MSRA: variants seen among roughly 807,000 people sequenced by gnomAD.
MSRA encodes methionine sulfoxide reductase A.
MSRA carries 54 observed loss-of-function variants against 31.3 expected under a neutral mutation model. The observed-to-expected ratio is 1.73, with a 90% CI of 1.39 to 2.17. The LOEUF is 2.17. Ranked by LOEUF, MSRA falls within the 30% of genes most tolerant of loss-of-function variation. MSRA has a pLI of 0.00. For synonymous variants in MSRA, 169 were observed against 116.5 expected, an observed-to-expected ratio of 1.45 and a Z score of -2.90; for missense variants, 507 against 300.9, an observed-to-expected ratio of 1.69 and a Z score of -5.07.
chr8:10,392,817 C>T (rs1325380014), intron 5 of MSRA, among the ~76,000 whole-genome samples: 1 of 142,126 alleles, frequency 7.0e-6, no homozygotes, highest in African/African-American at 2.7e-5. Context: ...GAGGCTGAGA[C>T]GGGCGTATCA....
chr8:10,096,786 A>ATTG (rs1024010529), intron 1 of MSRA, among the ~76,000 whole-genome samples: 1 of 152,178 alleles, frequency 6.6e-6, no homozygotes, highest in Non-Finnish European at 1.5e-5. Flanking sequence ...AATCAGCATT[A>ATTG]TTGTAGGAGA....
At chr8:10,121,778 C>A (rs145188332) in intron 1 of MSRA, among the ~76,000 whole-genome samples, 1 of 151,944 alleles carries the variant, frequency 6.6e-6, no homozygotes, top group African/African-American at 2.4e-5. Flanking sequence ...TCAAGCGATC[C>A]TCCCACCTCA....
At chr8:10,134,903 G>T (rs1294274515) in intron 1 of MSRA, among the ~76,000 whole-genome samples, 3 of 152,214 alleles carry the variant, frequency 2.0e-5, no homozygotes, top group Admixed American at 6.5e-5. Context: ...AAGAGCTCTT[G>T]CCCCGGAGTG....
chr8:10,079,707 C>G (rs17739179), intron 1 of MSRA, among the ~76,000 whole-genome samples: 6 of 152,072 alleles, frequency 3.9e-5, no homozygotes, highest in Admixed American at 3.9e-4. Flanking sequence ...TTACAGCGCT[C>G]TTGGCTATCC....
intron 1 of MSRA, among the ~76,000 whole-genome samples, chr8:10,206,610 C>T (rs903729372): frequency 6.6e-6 from 1 of 152,196 alleles, no homozygotes; most frequent in Non-Finnish European, 1.5e-5. Context: ...ACAGATTGTT[C>T]TCTGGCCCGG....
chr8:10,299,864 T>C (rs1004828719), intron 3 of MSRA, among the ~76,000 whole-genome samples: 1 of 152,238 alleles, frequency 6.6e-6, no homozygotes, highest in Non-Finnish European at 1.5e-5. Context: ...AACATTGATT[T>C]AGAAATTCCA....
At chr8:10,062,213 C>T (rs1175528711) in intron 1 of MSRA, among the ~76,000 whole-genome samples, 1 of 152,212 alleles carries the variant, frequency 6.6e-6, no homozygotes, top group Admixed American at 6.5e-5. Context: ...TGGCAGATGG[C>T]CAGGCTCCTT....
chr8:10,389,173 CAG>C (rs1806580069), intron 5 of MSRA, among the ~76,000 whole-genome samples: 2 of 152,138 alleles, frequency 1.3e-5, no homozygotes, highest in Admixed American at 1.3e-4. Context: ...GCAATCCAGT[CAG>C]TGTTTCTCTG....
intron 2 of MSRA, among the ~76,000 whole-genome samples, chr8:10,232,820 T>C (rs1334431798): frequency 6.6e-6 from 1 of 152,240 alleles, no homozygotes; most frequent in Non-Finnish European, 1.5e-5. Context: ...GGAAAATTCT[T>C]ACCAAGTAAT....
intron 1 of MSRA, among the ~76,000 whole-genome samples, chr8:10,094,878 T>C (rs765039707): frequency 6.6e-6 from 1 of 152,256 alleles, no homozygotes; most frequent in Non-Finnish European, 1.5e-5. Flanking sequence ...CTTGCTGTTA[T>C]TAAATTGACC....
chr8:10,315,075 T>C (rs971695163), intron 4 of MSRA, among the ~76,000 whole-genome samples: 1 of 152,108 alleles, frequency 6.6e-6, no homozygotes, highest in Non-Finnish European at 1.5e-5. Flanking sequence ...AGAGTGTGTG[T>C]AGGGGAACTG....
intron 5 of MSRA, among the ~76,000 whole-genome samples, chr8:10,359,524 T>C (rs1486271725): frequency 6.6e-6 from 1 of 152,216 alleles, no homozygotes. Context: ...TCATTATCTG[T>C]AGGGATTTTC....
intron 1 of MSRA, among the ~76,000 whole-genome samples, chr8:10,094,762 A>T (rs1585132755): frequency 6.6e-6 from 1 of 152,238 alleles, no homozygotes; most frequent in East Asian, 1.9e-4. Flanking sequence ...TTTATGTTAA[A>T]AATAAAAGCA....
intron 3 of MSRA, among the ~76,000 whole-genome samples, chr8:10,258,358 C>G (rs1349116869): frequency 6.6e-6 from 1 of 152,216 alleles, no homozygotes; most frequent in East Asian, 1.9e-4. Flanking sequence ...AAACACCCAG[C>G]TAAGACTCAC....
At chr8:10,195,805 C>G (rs765330609) in intron 1 of MSRA, among the ~76,000 whole-genome samples, 21 of 152,218 alleles carry the variant, frequency 1.4e-4, no homozygotes, top group Non-Finnish European at 2.2e-4. Flanking sequence ...TGACACAGTT[C>G]ATGCTCCATT....
chr8:10,130,406 T>G (rs1297657405), intron 1 of MSRA, among the ~76,000 whole-genome samples: 1 of 152,220 alleles, frequency 6.6e-6, no homozygotes, highest in East Asian at 1.9e-4. Context: ...CTAGACATGT[T>G]AAGCTCTAAC....
At chr8:10,365,427 G>A (rs1011063328) in intron 5 of MSRA, among the ~76,000 whole-genome samples, 6 of 152,092 alleles carry the variant, frequency 3.9e-5, no homozygotes, top group Non-Finnish European at 8.8e-5. Context: ...TAACGCCTCC[G>A]GAATAGCAAG....
intron 1 of MSRA, among the ~76,000 whole-genome samples, chr8:10,171,848 T>A (rs1386870880): frequency 6.6e-6 from 1 of 152,220 alleles, no homozygotes; most frequent in Non-Finnish European, 1.5e-5. Context: ...AAAGTATTAT[T>A]TCTGTTGTTT....
At chr8:10,304,752 C>T (rs557013443) in intron 4 of MSRA, among the ~76,000 whole-genome samples, 15 of 152,246 alleles carry the variant, frequency 9.9e-5, no homozygotes, top group South Asian at 2.1e-4. Context: ...AAAAGAAAGC[C>T]GCCACTAGAG....
Sources: allele counts gnomAD v4.1 joint callset (sites outside exome capture counted in the v4.1 genomes callset), GRCh38; gene constraint gnomAD v4.1.1; transcripts MANE v1.5; gene names NCBI Gene and HGNC (gene_info 2026-07-23, HGNC 2026-07-21).